ANKRD18A: variants seen among roughly 807,000 people sequenced by gnomAD.
ANKRD18A encodes the protein ankyrin repeat domain 18A, also known as ankyrin repeat domain-containing protein 18A.
A neutral mutation model predicts 110.6 loss-of-function variants in ANKRD18A; 72 were observed. That is an observed-to-expected ratio of 0.65 (90% CI 0.54 to 0.79). ANKRD18A has a LOEUF of 0.79. ANKRD18A is among the 30% of genes least tolerant of loss of function. ANKRD18A has a pLI of 0.00. For synonymous variants in ANKRD18A, 305 were observed against 410.3 expected, an observed-to-expected ratio of 0.74 and a Z score of 3.10; for missense variants, 934 against 1,163.3, an observed-to-expected ratio of 0.80 and a Z score of 2.87.
At chr9:38,580,132 C>T (rs567360599) in intron 12 of ANKRD18A, among the ~76,000 whole-genome samples, 1 of 152,326 alleles carries the variant, frequency 6.6e-6, no homozygotes, top group African/African-American at 2.4e-5. Flanking sequence ...GGCTGGGCAA[C>T]ATGGCTGATG....
chr9:38,572,199 A>G (rs1823676626), intron 15 of ANKRD18A, 140 bp from the exon 16 acceptor site: 3 of 559,158 alleles, frequency 5.4e-6, no homozygotes, highest in Non-Finnish European at 9.1e-6. Flanking sequence ...ATACAAAATT[A>G]CTATTAAATC....
In ANKRD18A at chr9:38,607,459, T is replaced by A. The variant is rs1213801521; in HGVS notation, c.775A>T (p.Met259Leu). 6.6e-7 allele frequency: 1 copy of A among 1,504,416 alleles called. No individual in the cohort carries two copies. Among genetic ancestry groups the A allele is most frequent in the African/African-American group, 1.4e-5 (1 of 70,402 alleles). The allele number at this position is 1,504,416 out of a possible 1,614,324, so 93.2% of individuals were successfully genotyped here. A position where few individuals can be genotyped will look rare whatever the true frequency, so the allele number is the denominator to read the frequency against. ...RQQILEHKNK[M>L]LKNHLRNDNQ... ...TCATTTCGAAGATGATTTTTAAGCA[T>A]TTTATTTTTATGTTCCAAAATTTGT... The change falls in exon 6 of 16, where the codon ATG becomes TTG. Residue 259 changes from methionine to leucine, a missense_variant. This residue lies in a region of ANKRD18A where 630 missense variants were observed against 797.5 expected (regional missense o/e 0.79). Transcript: ENST00000399703.
chr9:38,618,704 ACTTAT>A (rs761003897), intron 1 of ANKRD18A, among the ~76,000 whole-genome samples: 40 of 152,196 alleles, frequency 2.6e-4, no homozygotes, highest in African/African-American at 5.3e-4. Context: ...TCCTCTTTTA[ACTTAT>A]CTTATGAGAA....
chr9:38,595,940 T>C lies in ANKRD18A; in HGVS notation c.1400A>G (p.Asp467Gly), dbSNP rs1468016102. 2 of 1,550,880 alleles carry C rather than the reference T, an allele frequency of 1.3e-6. No individual in the cohort carries two copies. The highest frequency in any genetic ancestry group is 1.7e-6 in the Non-Finnish European group (2 of 1,146,578). The change falls in exon 9 of 16, where the codon GAT becomes GGT. Residue 467 changes from aspartate (D) to glycine (G), a missense_variant. Asp to Gly is a moderately conservative substitution (Grantham distance 94, BLOSUM62 -1). Transcript: ENST00000399703. ...KMGSNISQLT[D>G]KNELLTEQVH... is the part of the protein sequence containing the mutation. ...CTGTTCAGTAAGCAACTCATTCTTA[T>C]CTGTTAGTTGAGAAATATTAGAACC...
chr9:38,568,187 GC>G (rs1467811856), downstream of ANKRD18A: 3 of 152,408 alleles, frequency 2.0e-5, no homozygotes, highest in Non-Finnish European at 4.4e-5. Context: ...TCTCAAGATG[GC>G]CTGCGGTCTG....
intron 6 of ANKRD18A, among the ~76,000 whole-genome samples, chr9:38,603,646 AAGAG>A (rs546008431): frequency 1.2e-3 from 187 of 151,988 alleles, no homozygotes; most frequent in African/African-American, 4.4e-3. Context: ...GTTCTTGAAA[AAGAG>A]AGAGAGAGAC....
intron 11 of ANKRD18A, among the ~76,000 whole-genome samples, chr9:38,586,562 T>C (rs185530301): frequency 4.0e-4 from 59 of 148,900 alleles, no homozygotes; most frequent in African/African-American, 1.3e-3. Context: ...TGGTTTTTTT[T>C]TTGTTTGTTT....
downstream of ANKRD18A, chr9:38,569,436 T>C (rs1823558780): frequency 2.0e-6 from 2 of 985,182 alleles, no homozygotes; most frequent in South Asian, 9.4e-5. Context: ...GAGATGTGCC[T>C]TTCACCTAGA....
At chr9:38,616,785 C>T (rs1404251758) in intron 1 of ANKRD18A, among the ~76,000 whole-genome samples, 1 of 152,018 alleles carries the variant, frequency 6.6e-6, no homozygotes, top group East Asian at 1.9e-4. Context: ...TAGTATTTAA[C>T]AAAAATATTT....
At chr9:38,582,691 TAACTC>T (rs1824214807) in intron 12 of ANKRD18A, among the ~76,000 whole-genome samples, 1 of 152,210 alleles carries the variant, frequency 6.6e-6, no homozygotes, top group South Asian at 2.1e-4. Flanking sequence ...ATTTAAAAAT[TAACTC>T]AAAACAGTTA....
rs753447048 is a variant in ANKRD18A at position 38,615,670 on chromosome 9, T to C, written c.419A>G (p.Tyr140Cys). 1.2e-6 allele frequency: 2 copies of C among 1,612,166 alleles called. No homozygotes were observed. Among genetic ancestry groups the C allele is most frequent in the East Asian group, 2.2e-5 (1 of 44,878 alleles). ...EDIYGNTALH[Y>C]AVYNKGTSLA... ...TGAAGTCCCCTTATTATACACGGCA[T>C]AATGGAGAGCAGTGTTGCCGTAGAT... Residue 140 changes from tyrosine (Y) to cysteine (C), a missense_variant, in exon 3 of 16, where the codon TAT becomes TGT. By Grantham distance (194) the Tyr-to-Cys change is radical. Coordinates refer to ENST00000399703, the MANE Select transcript of ANKRD18A (RefSeq NM_147195.4).
rs745991209 is a variant in ANKRD18A at position 38,572,051 on chromosome 9, T to G, written c.2973A>C (p.Leu991=). The G allele has an allele frequency of 3.1e-6, 5 of 1,587,642 alleles. No individual in the cohort carries two copies. Among genetic ancestry groups the G allele is most frequent in the Non-Finnish European group, 4.3e-6 (5 of 1,171,656 alleles). The part of the protein sequence containing the change: ...NCKNFLTEVL[L]C Reference sequence around the variant, plus strand: ...AGTAGACGGGAGCAAGTGCTCAACATAGCAAAACCTGGAAAGAAAAAGAAA... The same window carrying G: ...AGTAGACGGGAGCAAGTGCTCAACAGAGCAAAACCTGGAAAGAAAAAGAAA... Residue 991 remains leucine, a synonymous_variant, in exon 16 of 16, where the codon CTA becomes CTC. Coordinates refer to ENST00000399703, the MANE Select transcript of ANKRD18A (RefSeq NM_147195.4).
In ANKRD18A at chr9:38,607,498, G is replaced by A; in HGVS notation, c.741-5C>T. ...TCCAAAATTTGTTGTCGGATGCTAT[G>A]CATAATAAACGTAATAAAATTAGTA... On this transcript the variant is annotated splice_region_variant and splice_polypyrimidine_tract_variant and intron_variant, in intron 5 of 15. Transcript: ENST00000399703. The A allele has an allele frequency of 6.9e-7, 1 of 1,459,030 alleles. No homozygotes were observed. Among genetic ancestry groups the A allele is most frequent in the Non-Finnish European group, 9.1e-7 (1 of 1,096,974 alleles). The allele number at this position is 1,459,030 out of a possible 1,614,324, so 90.4% of individuals were successfully genotyped here. A position where few individuals can be genotyped will look rare whatever the true frequency, so the allele number is the denominator to read the frequency against.
chr9:38,605,975 A>G (rs1825335292), intron 6 of ANKRD18A, among the ~76,000 whole-genome samples: 2 of 152,204 alleles, frequency 1.3e-5, no homozygotes, highest in Admixed American at 1.3e-4. Context: ...GCACATAAAA[A>G]AACACAGCTT....
chr9:38,605,123 G>C (rs1476928332), intron 6 of ANKRD18A, among the ~76,000 whole-genome samples: 1 of 152,172 alleles, frequency 6.6e-6, no homozygotes, highest in East Asian at 1.9e-4. Context: ...TAAGCTCCCA[G>C]ATGACATTGG....
intron 14 of ANKRD18A, 136 bp downstream of exon 14, chr9:38,576,917 A>G (rs1168792733): frequency 1.4e-6 from 1 of 716,500 alleles, no homozygotes; most frequent in African/African-American, 1.8e-5. Flanking sequence ...ATTTACTAAC[A>G]TTATTTTCCA....
chr9:38,589,438 T>C (rs1824535822), intron 10 of ANKRD18A, among the ~76,000 whole-genome samples: 1 of 152,238 alleles, frequency 6.6e-6, no homozygotes, highest in African/African-American at 2.4e-5. Flanking sequence ...TAATCCTAAG[T>C]TATGAACCTG....
intron 12 of ANKRD18A, among the ~76,000 whole-genome samples, chr9:38,581,845 C>A (rs575851439): frequency 9.9e-5 from 15 of 152,070 alleles, no homozygotes; most frequent in African/African-American, 3.6e-4. Context: ...AAGTGCTGCA[C>A]TCCTAAAACT....
intron 5 of ANKRD18A, among the ~76,000 whole-genome samples, chr9:38,608,856 A>T (rs1433066631): frequency 6.6e-6 from 1 of 151,876 alleles, no homozygotes; most frequent in Non-Finnish European, 1.5e-5. Flanking sequence ...GATAATGTAC[A>T]CAGGTCAGAA....
Sources: allele counts gnomAD v4.1 joint callset (sites outside exome capture counted in the v4.1 genomes callset), GRCh38; gene constraint gnomAD v4.1.1; regional missense constraint gnomAD v4.1.1; transcripts MANE v1.5; gene names NCBI Gene and HGNC (gene_info 2026-07-23, HGNC 2026-07-21).